Variants in SSBP2 observed in about 807,000 individuals in gnomAD.
SSBP2 encodes single stranded DNA binding protein 2, also known as single-stranded DNA-binding protein 2.
A neutral mutation model predicts 61.8 loss-of-function variants in SSBP2; 17 were observed. The ratio of observed to expected loss-of-function variants is 0.28; its 90% CI spans 0.19 to 0.41. The LOEUF (loss-of-function observed/expected upper bound fraction) is 0.41, where lower values mean the gene tolerates loss of function less well. Among genes scored for constraint, SSBP2 ranks in the 10% least tolerant of loss-of-function variants. The pLI, the probability that SSBP2 is intolerant of heterozygous loss-of-function variation, is 1.00. For synonymous variants in SSBP2, 139 were observed against 141.3 expected (o/e 0.98, Z 0.12); for missense variants, 310 against 458.7 (o/e 0.68, Z 2.96).
chr5:81,733,308 A>G (rs1486236118), intron 1 of SSBP2, among the ~76,000 whole-genome samples: 1 of 152,194 alleles, frequency 6.6e-6, no homozygotes, highest in African/African-American at 2.4e-5. Context: ...ATCATACAGT[A>G]ATAAACAAAT....
chr5:81,595,322 C>T (rs1395731280), intron 4 of SSBP2, among the ~76,000 whole-genome samples: 1 of 152,188 alleles, frequency 6.6e-6, no homozygotes, highest in Non-Finnish European at 1.5e-5. Context: ...AGACCAATAA[C>T]AGGCTCTGAA....
intron 4 of SSBP2, among the ~76,000 whole-genome samples, chr5:81,527,709 G>C (rs1770057556): frequency 6.6e-6 from 1 of 151,632 alleles, no homozygotes; most frequent in African/African-American, 2.4e-5. Context: ...ACACAGGGAG[G>C]GGAACATCAC....
chr5:81,569,239 G>A (rs1773666341), intron 4 of SSBP2, among the ~76,000 whole-genome samples: 1 of 152,022 alleles, frequency 6.6e-6, no homozygotes, highest in African/African-American at 2.4e-5. Context: ...CAAAAGCATA[G>A]TGTAACCACC....
At chr5:81,650,393 T>G in intron 1 of SSBP2, 54 bp from the exon 2 acceptor site, 1 of 1,249,536 alleles carries the variant, frequency 8.0e-7, no homozygotes, top group Non-Finnish European at 1.1e-6. Context: ...ATTCATTCTT[T>G]AAATAATGCA....
chr5:81,644,204 A>C (rs1260041443), intron 2 of SSBP2, among the ~76,000 whole-genome samples: 1 of 152,236 alleles, frequency 6.6e-6, no homozygotes, highest in Non-Finnish European at 1.5e-5. Context: ...CTTTTAGAAG[A>C]ATGAAAGAAG....
chr5:81,475,751 T>C lies in SSBP2; in HGVS notation c.433-1189A>G, dbSNP rs535719244. 6.6e-5 allele frequency among the ~76,000 whole-genome samples: 10 copies of C among 152,268 alleles called. No individual in the cohort carries two copies. The East Asian group carries it at 1.5e-3, about 23-fold the overall frequency. On this transcript the variant is annotated intron_variant, in intron 6 of 16. Transcript: ENST00000320672. ...CCTTAAGTAGTTATTGCTGACATCA[T>C]TTAGATCTCAGTTTAGGGATCACTT...
At chr5:81,627,722 G>T (rs1161550410) in intron 3 of SSBP2, among the ~76,000 whole-genome samples, 1 of 152,082 alleles carries the variant, frequency 6.6e-6, no homozygotes, top group Non-Finnish European at 1.5e-5. Flanking sequence ...GGGGACCAAA[G>T]TCACTTTAAA....
At chr5:81,524,305 G>A (rs1351035387) in intron 4 of SSBP2, among the ~76,000 whole-genome samples, 1 of 151,996 alleles carries the variant, frequency 6.6e-6, no homozygotes, top group Admixed American at 6.6e-5. Context: ...AAGCTTGAAA[G>A]TGAATTCTTC....
At chr5:81,503,527 T>C (rs553703214) in intron 5 of SSBP2, among the ~76,000 whole-genome samples, 3 of 152,204 alleles carry the variant, frequency 2.0e-5, no homozygotes, top group Admixed American at 1.3e-4. Flanking sequence ...TTACACCCTG[T>C]TGGTGGGAGT....
At chr5:81,711,233 AAAAC>A (rs1754756646) in intron 1 of SSBP2, among the ~76,000 whole-genome samples, 1 of 152,090 alleles carries the variant, frequency 6.6e-6, no homozygotes, top group Non-Finnish European at 1.5e-5. Context: ...TCTTAGAACT[AAAAC>A]AAAAGAAACA....
Position 81,413,563 on chromosome 5 carries a change from G to A in SSBP2, c.*6941C>T, listed in dbSNP as rs943253866. 2.0e-5 allele frequency: 3 copies of A among 152,098 alleles called. No homozygotes were observed. Among genetic ancestry groups the A allele is most frequent in the Non-Finnish European group, 4.4e-5 (3 of 67,994 alleles). 9.4% of individuals were successfully genotyped at this position (152,098 alleles called of 1,614,324 possible). On this transcript the variant is annotated 3_prime_UTR_variant, in exon 17 of 17. Coordinates refer to ENST00000320672, the MANE Select transcript of SSBP2 (RefSeq NM_012446.5). ...CTAGGTTAATTAAACAATTCAATAC[G>A]TTAATGGCTATCATAAGTATTCTAT...
chr5:81,562,213 T>C (rs1773102561), intron 4 of SSBP2, among the ~76,000 whole-genome samples: 1 of 152,120 alleles, frequency 6.6e-6, no homozygotes, highest in South Asian at 2.1e-4. Context: ...GCCAAGACCT[T>C]TTTATATTCA....
chr5:81,641,391 A>G (rs1357163641), intron 2 of SSBP2, among the ~76,000 whole-genome samples: 1 of 152,196 alleles, frequency 6.6e-6, no homozygotes, highest in Non-Finnish European at 1.5e-5. Flanking sequence ...CATGCTCACA[A>G]TATTTTTTAC....
At chr5:81,447,869 T>C (rs888077543) in intron 11 of SSBP2, 21 of 152,242 alleles carry the variant, frequency 1.4e-4, no homozygotes, top group African/African-American at 4.8e-4. Context: ...TTTTATTTCA[T>C]AGAAAATGCA....
At chr5:81,744,848 G>T (rs1308146553) in intron 1 of SSBP2, among the ~76,000 whole-genome samples, 1 of 151,826 alleles carries the variant, frequency 6.6e-6, no homozygotes, top group Non-Finnish European at 1.5e-5. Flanking sequence ...ATTCTTAAAG[G>T]AAAAAGATGA....
At chr5:81,594,853 G>A (rs994642749) in intron 4 of SSBP2, among the ~76,000 whole-genome samples, 5 of 152,008 alleles carry the variant, frequency 3.3e-5, no homozygotes, top group Admixed American at 3.3e-4. Context: ...GTGTGTAGAG[G>A]GAAATTTATA....
intron 1 of SSBP2, among the ~76,000 whole-genome samples, chr5:81,657,791 C>T (rs946080313): frequency 6.6e-6 from 1 of 152,144 alleles, no homozygotes; most frequent in African/African-American, 2.4e-5. Flanking sequence ...TTATTTTCTG[C>T]AAATTCTTTT....
At chr5:81,521,551 T>G (rs1769484558) in intron 4 of SSBP2, among the ~76,000 whole-genome samples, 1 of 152,026 alleles carries the variant, frequency 6.6e-6, no homozygotes. Flanking sequence ...GTCTAGTATT[T>G]AGTGGTACAG....
At chr5:81,440,449 T>C (rs1762957740) in intron 14 of SSBP2, 109 bp downstream of exon 14, 1 of 841,308 alleles carries the variant, frequency 1.2e-6, no homozygotes, top group South Asian at 1.7e-5. Context: ...TTGAAGTATT[T>C]AAAAATGAGT....
Sources: allele counts gnomAD v4.1 joint callset (sites outside exome capture counted in the v4.1 genomes callset), GRCh38; gene constraint gnomAD v4.1.1; transcripts MANE v1.5; gene names NCBI Gene and HGNC (gene_info 2026-07-23, HGNC 2026-07-21).